The following ABLIM3 variants were observed in gnomAD, a reference collection of about 807,000 sequenced individuals.
ABLIM3 encodes the protein actin-binding LIM protein 3.
ABLIM3 carries 61 observed loss-of-function variants against 109.5 expected under a neutral mutation model. That is an observed-to-expected ratio of 0.56 (90% CI 0.45 to 0.69). The LOEUF (loss-of-function observed/expected upper bound fraction) is 0.69. ABLIM3 is among the 30% of genes least tolerant of loss of function. The pLI, the probability that ABLIM3 is intolerant of heterozygous loss-of-function variation, is 0.00. For synonymous variants in ABLIM3, 300 were observed against 324.8 expected (o/e 0.92, Z 0.82); for missense variants, 796 against 889.5 (o/e 0.89, Z 1.34).
At chr5:149,252,612 C>G in intron 22 of ABLIM3, 145 bp from the exon 23 acceptor site, 1 of 680,652 alleles carries the variant, frequency 1.5e-6, no homozygotes, top group South Asian at 1.8e-5. Context: ...CTGGGCAACC[C>G]CAAGAAGGGC....
At chr5:149,230,591 G>T in intron 8 of ABLIM3, 58 bp from the exon 9 acceptor site, 1 of 1,569,932 alleles carries the variant, frequency 6.4e-7, no homozygotes, top group South Asian at 1.1e-5. Context: ...GTGGGACATG[G>T]GGAGAGTGCT....
intron 2 of ABLIM3, among the ~76,000 whole-genome samples, chr5:149,158,535 A>G (rs1382604219): frequency 6.6e-6 from 1 of 152,164 alleles, no homozygotes; most frequent in Non-Finnish European, 1.5e-5. Context: ...TATATACTTG[A>G]CTCTATGCAA....
At chr5:149,170,357 G>C (rs555024455) in intron 2 of ABLIM3, among the ~76,000 whole-genome samples, 1 of 151,448 alleles carries the variant, frequency 6.6e-6, no homozygotes, top group East Asian at 1.9e-4. Flanking sequence ...ACCTCCTCTT[G>C]GCTTAGCAAC....
At chr5:149,175,703 C>T (rs552030916) in intron 2 of ABLIM3, among the ~76,000 whole-genome samples, 5 of 152,276 alleles carry the variant, frequency 3.3e-5, no homozygotes, top group East Asian at 1.9e-4. Flanking sequence ...AAGAACTCTG[C>T]GATGTTATGG....
chr5:149,150,924 G>C (rs554427257), intron 2 of ABLIM3, among the ~76,000 whole-genome samples: 12 of 152,174 alleles, frequency 7.9e-5, no homozygotes, highest in African/African-American at 2.9e-4. Context: ...TAGTGCCTCT[G>C]TCAGAGAAGA....
chr5:149,230,246 T>A (rs1761713090), intron 8 of ABLIM3, among the ~76,000 whole-genome samples: 1 of 152,126 alleles, frequency 6.6e-6, no homozygotes, highest in African/African-American at 2.4e-5. Flanking sequence ...TAGCAATGAA[T>A]AAAGCTCAGC....
At chr5:149,186,667 T>C (rs1012078529) in intron 3 of ABLIM3, among the ~76,000 whole-genome samples, 2 of 152,072 alleles carry the variant, frequency 1.3e-5, no homozygotes, top group African/African-American at 4.8e-5. Context: ...TTTCCACACA[T>C]AGTGTTATCA....
At chr5:149,252,271 A>G in intron 22 of ABLIM3, 63 bp downstream of exon 22, 6 of 1,586,246 alleles carry the variant, frequency 3.8e-6, no homozygotes, top group Non-Finnish European at 4.3e-6. Context: ...ACTGGGGATC[A>G]CCAGGAGGAT....
At chr5:149,218,275 C>T (rs1760297355) in intron 8 of ABLIM3, 1 of 152,272 alleles carries the variant, frequency 6.6e-6, no homozygotes, top group African/African-American at 2.4e-5. Flanking sequence ...ATGGCACCTT[C>T]TCTCTGTGTC....
intron 6 of ABLIM3, among the ~76,000 whole-genome samples, 199 bp from the exon 7 acceptor site, chr5:149,210,527 G>A (rs966162666): frequency 6.6e-6 from 1 of 152,206 alleles, no homozygotes; most frequent in African/African-American, 2.4e-5. Flanking sequence ...ACAGGAGGTG[G>A]TCCCAGGAGG....
intron 9 of ABLIM3, 50 bp from the exon 10 acceptor site, chr5:149,233,179 C>T (rs1180006517): frequency 1.9e-6 from 3 of 1,571,938 alleles, no homozygotes; most frequent in East Asian, 4.5e-5. Context: ...CCCTCCCCAC[C>T]AAGCTCAGGT....
intron 10 of ABLIM3, 23 bp downstream of exon 10, chr5:149,233,323 C>T: frequency 6.2e-7 from 1 of 1,610,084 alleles, no homozygotes; most frequent in Non-Finnish European, 8.5e-7. Flanking sequence ...TTTCTACCAC[C>T]AAAGGGCCTT....
At position 149,172,396 on chromosome 5, in the gene ABLIM3, C is replaced by T. The variant is rs186412435; in HGVS notation, c.14-11056C>T. Among the ~76,000 whole-genome samples the T allele has an allele frequency of 8.9e-4, 136 of 152,254 alleles. 2 individuals are homozygous for T. The highest frequency in any genetic ancestry group is 6.5e-4 in the Admixed American group (10 of 15,300). On this transcript the variant is annotated intron_variant, in intron 2 of 23. Transcript: ENST00000309868. ...CCTCCAGTGGGTCATGGTCAAAAAA[C>T]GTTTGAAAACCACCGCCTGCCCCTG...
intron 23 of ABLIM3, among the ~76,000 whole-genome samples, chr5:149,254,428 C>T (rs1754246725): frequency 6.6e-6 from 1 of 152,180 alleles, no homozygotes; most frequent in African/African-American, 2.4e-5. Flanking sequence ...TGTCTGCCCT[C>T]TACCACAGGG....
intron 9 of ABLIM3, 134 bp from the exon 10 acceptor site, chr5:149,233,095 A>C: frequency 1.3e-6 from 1 of 777,302 alleles, no homozygotes; most frequent in Middle Eastern, 2.5e-4. Flanking sequence ...ACAGAGAATA[A>C]AAAGGAAGTA....
At chr5:149,234,341 C>A (rs941936559) in intron 10 of ABLIM3, among the ~76,000 whole-genome samples, 6 of 152,150 alleles carry the variant, frequency 3.9e-5, no homozygotes, top group African/African-American at 1.4e-4. Context: ...CTTCCACAAG[C>A]CAAAGGAGCC....
chr5:149,153,155 C>A (rs4410632), intron 2 of ABLIM3, among the ~76,000 whole-genome samples: 11,348 of 152,044 alleles, frequency 0.075, 438 homozygotes, highest in South Asian at 0.11. Flanking sequence ...CTAGAATATT[C>A]CCAAGGCACT....
chr5:149,208,675 G>C (rs757063222), intron 6 of ABLIM3, among the ~76,000 whole-genome samples: 5 of 152,178 alleles, frequency 3.3e-5, no homozygotes, highest in Non-Finnish European at 7.3e-5. Context: ...CTGAACCCTA[G>C]AGCCAGAGAG....
intron 17 of ABLIM3, among the ~76,000 whole-genome samples, chr5:149,247,178 TAAGAA>T (rs1261849100): frequency 6.6e-5 from 10 of 152,202 alleles, no homozygotes; most frequent in African/African-American, 2.4e-5. Context: ...ACATTATGCT[TAAGAA>T]AAGAAGCCAG....
Sources: gnomAD v4.1 joint callset for allele counts (sites outside exome capture counted in the v4.1 genomes callset) on GRCh38, gnomAD v4.1.1 for gene constraint, MANE v1.5 for transcripts, NCBI Gene and HGNC (gene_info 2026-07-23, HGNC 2026-07-21) for gene names.